The following CD8B variants were observed in gnomAD, a reference collection of about 807,000 sequenced individuals.
The protein encoded by CD8B is T-cell surface glycoprotein CD8 beta chain.
In CD8B, 6 loss-of-function variants were observed where a neutral mutation model predicts 24.2. The ratio of observed to expected loss-of-function variants is 0.25; its 90% confidence interval spans 0.14 to 0.49. The LOEUF (loss-of-function observed/expected upper bound fraction) is 0.49, where lower values mean the gene tolerates loss of function less well. CD8B is among the 20% of genes least tolerant of loss of function. The pLI is 0.98. For synonymous variants in CD8B, 84 were observed against 108.3 expected, an observed-to-expected ratio of 0.78 and a Z score of 1.39; for missense variants, 196 against 271.3, an observed-to-expected ratio of 0.72 and a Z score of 1.95.
intron 1 of CD8B, among the ~76,000 whole-genome samples, chr2:86,860,002 G>C (rs534976841): frequency 1.7e-3 from 253 of 152,214 alleles, no homozygotes; most frequent in Admixed American, 3.3e-3. Context: ...GGGTGTGGTG[G>C]CTCATGTTTG....
chr2:86,853,257 C>T (rs1193508718), intron 2 of CD8B, among the ~76,000 whole-genome samples, 171 bp from the exon 3 acceptor site: 2 of 151,772 alleles, frequency 1.3e-5, no homozygotes, highest in Non-Finnish European at 2.9e-5. Flanking sequence ...GCCTGGGCAA[C>T]ATGGTGAAAC....
chr2:86,854,060 C>T (rs910340907), intron 2 of CD8B, among the ~76,000 whole-genome samples: 4 of 152,184 alleles, frequency 2.6e-5, no homozygotes, highest in Non-Finnish European at 4.4e-5. Flanking sequence ...CCCTGATTAA[C>T]CGCTGTGTGA....
chr2:86,835,002 A>T (rs539969376), downstream of CD8B, among the ~76,000 whole-genome samples: 1 of 151,098 alleles, frequency 6.6e-6, no homozygotes, highest in East Asian at 2.0e-4. Flanking sequence ...ATCGCCTGCC[A>T]CACACAGAAG....
chr2:86,850,236 C>T (rs1198959313), intron 3 of CD8B, among the ~76,000 whole-genome samples: 3 of 152,156 alleles, frequency 2.0e-5, no homozygotes, highest in Admixed American at 1.3e-4. Flanking sequence ...GCCACACCAA[C>T]GACACCCCCA....
At chr2:86,828,150 C>A (rs1318376684) in intron 5 of CD8B, among the ~76,000 whole-genome samples, 8 of 152,078 alleles carry the variant, frequency 5.3e-5, no homozygotes. Flanking sequence ...TGGAACAGTA[C>A]CAAACGCTTA....
At chr2:86,850,261 A>G (rs1675910986) in intron 3 of CD8B, among the ~76,000 whole-genome samples, 1 of 152,058 alleles carries the variant, frequency 6.6e-6, no homozygotes, top group Non-Finnish European at 1.5e-5. Flanking sequence ...AGCCTTCCTC[A>G]TCTTACCGGG....
chr2:86,848,983 C>T (rs1242204065), intron 3 of CD8B, among the ~76,000 whole-genome samples: 378 of 151,786 alleles, frequency 2.5e-3, no homozygotes, highest in African/African-American at 8.6e-3. Flanking sequence ...TCCCAAAGTG[C>T]TGGGATTACA....
chr2:86,833,019 T>C (rs1674973324), intron 5 of CD8B: 1 of 374,750 alleles, frequency 2.7e-6, no homozygotes, highest in Non-Finnish European at 5.3e-6. Context: ...CTCTCCCTCT[T>C]TCCCCTCCAC....
chr2:86,827,963 G>A (rs918427571), intron 5 of CD8B, among the ~76,000 whole-genome samples: 7 of 152,146 alleles, frequency 4.6e-5, no homozygotes, highest in Non-Finnish European at 7.4e-5. Flanking sequence ...CTGGGGGATG[G>A]GGCAAGGACA....
rs1166528763 is a variant in CD8B, at chr2:86,857,957, G to A, written c.403+100C>T. On this transcript the variant is annotated intron_variant, in intron 2 of 5. Transcript: ENST00000390655. Reference sequence around the variant, plus strand: ...TATTAGCAGCAGTGCCATTAGTCACGGCTGCAGAGTGGGGCACACTGAAGC... The same window carrying A: ...TATTAGCAGCAGTGCCATTAGTCACAGCTGCAGAGTGGGGCACACTGAAGC... 1.5e-5 allele frequency: 18 copies of A among 1,229,264 alleles called. No homozygotes were observed. In the East Asian group the frequency reaches 1.6e-4, roughly 11 times the overall value. The allele number at this position is 1,229,264 out of a possible 1,614,324, so 76.1% of individuals were successfully genotyped here.
In CD8B at chr2:86,858,145, G is replaced by T. The variant is rs764433373; in HGVS notation, c.315C>A (p.Ser105Arg). ...DASRFILNLT[S>R]VKPEDSGIYF... ...AGATGCCACTGTCTTCCGGCTTCAC[G>T]CTTGTGAGATTGAGAATGAACCGGC... The change falls in exon 2 of 6, where the codon AGC (serine) becomes AGA (arginine). Residue 105 changes from serine to arginine, a missense_variant. By Grantham distance (110) the Ser-to-Arg change is moderately radical (BLOSUM62 -1). Transcript: ENST00000390655. 1.2e-5 allele frequency: 19 copies of T among 1,613,874 alleles called. No individual in the cohort carries two copies. Among genetic ancestry groups the T allele is most frequent in the Non-Finnish European group, 1.4e-5 (17 of 1,179,886 alleles).
At chr2:86,836,854 C>G (rs1168976093), downstream of CD8B, among the ~76,000 whole-genome samples, 1 of 151,974 alleles carries the variant, frequency 6.6e-6, no homozygotes, top group East Asian at 1.9e-4. Flanking sequence ...AAATGGTCTA[C>G]AATTAAAAAT....
intron 4 of CD8B, among the ~76,000 whole-genome samples, chr2:86,845,760 C>T (rs981948176): frequency 5.9e-5 from 9 of 152,138 alleles, no homozygotes; most frequent in African/African-American, 1.2e-4. Context: ...CTTCCTTGAT[C>T]GAGAGAGTTT....
chr2:86,853,914 T>C (rs1277259253), intron 2 of CD8B, among the ~76,000 whole-genome samples: 1 of 152,092 alleles, frequency 6.6e-6, no homozygotes, highest in Admixed American at 6.5e-5. Flanking sequence ...TAATTTTTTG[T>C]ATTTTTAGTA....
At chr2:86,861,294 C>T (rs1676573832) in intron 1 of CD8B, among the ~76,000 whole-genome samples, 1 of 152,160 alleles carries the variant, frequency 6.6e-6, no homozygotes, top group Admixed American at 6.5e-5. Context: ...CTACCCATGA[C>T]ACCCAACACC....
rs1316105383 is a variant in CD8B, at chr2:86,842,215, G to A, written c.*92C>T. The A allele has an allele frequency of 3.3e-6, 5 of 1,492,976 alleles. No individual in the cohort carries two copies. The East Asian group carries it at 9.4e-5, about 28-fold the overall frequency. 92.5% of individuals were successfully genotyped at this position (1,492,976 alleles called of 1,614,324 possible). ...CTTCAGCAGCCATTGAACTCTCCAG[G>A]GTTGAATGTGTCCCTTCTCTCATTT... On this transcript the variant is annotated 3_prime_UTR_variant, in exon 6 of 6. Transcript: ENST00000390655.
intron 5 of CD8B, among the ~76,000 whole-genome samples, chr2:86,830,198 G>A (rs1674853322): frequency 6.6e-6 from 1 of 151,976 alleles, no homozygotes; most frequent in African/African-American, 2.4e-5. Context: ...TAAAGTGCTG[G>A]GATTACAGGC....
At chr2:86,856,745 C>T (rs1676286149) in intron 2 of CD8B, among the ~76,000 whole-genome samples, 1 of 150,998 alleles carries the variant, frequency 6.6e-6, no homozygotes, top group South Asian at 2.1e-4. Context: ...GCCTTCTGTC[C>T]AATATGCCAC....
chr2:86,817,722 A>G (rs907512564), intron 5 of CD8B, among the ~76,000 whole-genome samples: 8 of 152,220 alleles, frequency 5.3e-5, no homozygotes, highest in Non-Finnish European at 1.2e-4. Context: ...GGGTCTCAAC[A>G]CAAACATTTT....
Sources: allele counts gnomAD v4.1 joint callset (sites outside exome capture counted in the v4.1 genomes callset), GRCh38; gene constraint gnomAD v4.1.1; transcripts MANE v1.5; gene names NCBI Gene and HGNC (gene_info 2026-07-23, HGNC 2026-07-21).